The following CFAP299 variants were observed in gnomAD, a reference collection of about 807,000 sequenced individuals.
The protein encoded by CFAP299 is cilia and flagella associated protein 299.
Under a neutral mutation model 27.0 loss-of-function variants are expected in CFAP299, and 21 were observed. The ratio of observed to expected loss-of-function variants is 0.78; its 90% CI spans 0.55 to 1.12. CFAP299 has a LOEUF of 1.12. Among genes scored for constraint, CFAP299 ranks in the 50% most tolerant of loss-of-function variants. The pLI is 0.00. For missense variants in CFAP299, 310 were observed against 276.6 expected, an observed-to-expected ratio of 1.12 and a Z score of -0.86; for synonymous variants, 104 against 98.1, an observed-to-expected ratio of 1.06 and a Z score of -0.36.
chr4:80,393,963 G>A (rs557004588), intron 2 of CFAP299, among the ~76,000 whole-genome samples: 8 of 152,170 alleles, frequency 5.3e-5, no homozygotes, highest in South Asian at 4.2e-4. Context: ...TCATGGGGGC[G>A]GCTTCCCCCA....
At chr4:80,841,895 A>G (rs1164892771) in intron 3 of CFAP299, among the ~76,000 whole-genome samples, 1 of 152,134 alleles carries the variant, frequency 6.6e-6, no homozygotes, top group Non-Finnish European at 1.5e-5. Flanking sequence ...CTAGTATAAA[A>G]AAAAGGTCTT....
At chr4:80,346,731 G>C (rs1722749685) in intron 1 of CFAP299, among the ~76,000 whole-genome samples, 1 of 152,084 alleles carries the variant, frequency 6.6e-6, no homozygotes, top group East Asian at 1.9e-4. Context: ...TGTTCTTTTG[G>C]CTTAGGATTG....
intron 3 of CFAP299, among the ~76,000 whole-genome samples, chr4:80,641,325 C>G (rs769055206): frequency 1.3e-5 from 2 of 152,124 alleles, no homozygotes; most frequent in Non-Finnish European, 2.9e-5. Flanking sequence ...CTGACTCAGC[C>G]TCCCAAGTAG....
intron 3 of CFAP299, among the ~76,000 whole-genome samples, chr4:80,666,894 A>G (rs1741168180): frequency 6.6e-6 from 1 of 152,174 alleles, no homozygotes; most frequent in African/African-American, 2.4e-5. Flanking sequence ...ATAAGGATAA[A>G]GAATGATTAA....
chr4:80,520,018 C>G (rs763490520), intron 2 of CFAP299, among the ~76,000 whole-genome samples: 1 of 152,170 alleles, frequency 6.6e-6, no homozygotes, highest in Non-Finnish European at 1.5e-5. Flanking sequence ...GAGAGGCTTT[C>G]TACATCTTCC....
At chr4:80,685,702 TA>T (rs1432527396) in intron 3 of CFAP299, among the ~76,000 whole-genome samples, 2 of 130,130 alleles carry the variant, frequency 1.5e-5, no homozygotes, top group African/African-American at 6.3e-5. Context: ...GTGCTCTGGT[TA>T]GTTTAAACCA....
intron 3 of CFAP299, among the ~76,000 whole-genome samples, chr4:80,851,993 T>G (rs1731554041): frequency 6.6e-6 from 1 of 152,198 alleles, no homozygotes; most frequent in Non-Finnish European, 1.5e-5. Flanking sequence ...GATCTGGGCT[T>G]CTTTTGGCAA....
chr4:80,876,481 C>G, intron 4 of CFAP299, among the ~76,000 whole-genome samples: 1 of 152,178 alleles, frequency 6.6e-6, no homozygotes, highest in Non-Finnish European at 1.5e-5. Flanking sequence ...TTCCTGAGGC[C>G]TCCCCAGCCA....
intron 2 of CFAP299, among the ~76,000 whole-genome samples, chr4:80,537,790 A>T (rs567355379): frequency 5.9e-5 from 9 of 152,090 alleles, no homozygotes; most frequent in Non-Finnish European, 1.0e-4. Flanking sequence ...AATGTATTGT[A>T]GACATGGACG....
At chr4:80,652,741 T>A (rs1022925664) in intron 3 of CFAP299, among the ~76,000 whole-genome samples, 3 of 151,978 alleles carry the variant, frequency 2.0e-5, no homozygotes, top group African/African-American at 7.3e-5. Flanking sequence ...CTGCCTCTAG[T>A]GCTCCCTCAT....
chr4:80,700,177 C>T (rs959676622), intron 3 of CFAP299, among the ~76,000 whole-genome samples: 3 of 151,934 alleles, frequency 2.0e-5, no homozygotes, highest in African/African-American at 4.8e-5. Flanking sequence ...GTGTAGTTTC[C>T]GAAGGTAGAA....
At chr4:80,674,750 C>T (rs1719317221) in intron 3 of CFAP299, among the ~76,000 whole-genome samples, 1 of 151,728 alleles carries the variant, frequency 6.6e-6, no homozygotes, top group Non-Finnish European at 1.5e-5. Context: ...TAAACTTCTC[C>T]TCTTGCTTTA....
chr4:80,479,625 A>G (rs879583498), intron 2 of CFAP299, among the ~76,000 whole-genome samples: 1 of 152,012 alleles, frequency 6.6e-6, no homozygotes, highest in Admixed American at 6.6e-5. Context: ...CTGATAATGA[A>G]TTATTTGTAA....
chr4:80,721,997 C>T (rs1026301024), intron 3 of CFAP299, among the ~76,000 whole-genome samples: 1 of 152,090 alleles, frequency 6.6e-6, no homozygotes, highest in Non-Finnish European at 1.5e-5. Context: ...GAATCCAAAT[C>T]TAAATAAAGG....
At chr4:80,476,960 C>CGCGCGT (rs1553926298) in intron 2 of CFAP299, among the ~76,000 whole-genome samples, 51 of 106,680 alleles carry the variant, frequency 4.8e-4, no homozygotes, top group East Asian at 1.5e-3. Context: ...TGTGCGCATG[C>CGCGCGT]GTGTGTGTGT....
intron 1 of CFAP299, among the ~76,000 whole-genome samples, chr4:80,345,779 G>T (rs1360608191): frequency 1.3e-5 from 2 of 152,000 alleles, no homozygotes; most frequent in African/African-American, 4.8e-5. Context: ...TAATCCTTTG[G>T]GTATGTACCC....
chr4:80,850,878 T>C (rs1207957103), intron 3 of CFAP299, among the ~76,000 whole-genome samples: 1 of 152,158 alleles, frequency 6.6e-6, no homozygotes, highest in Non-Finnish European at 1.5e-5. Flanking sequence ...TGGTTTGAGA[T>C]ATTTCTTGAA....
intron 2 of CFAP299, among the ~76,000 whole-genome samples, chr4:80,460,981 A>G (rs1729409768): frequency 6.6e-6 from 1 of 152,210 alleles, no homozygotes; most frequent in Non-Finnish European, 1.5e-5. Flanking sequence ...GCATCAATTA[A>G]TGCATGTAAG....
At chr4:80,892,748 G>T (rs1281321938) in intron 4 of CFAP299, among the ~76,000 whole-genome samples, 2 of 152,062 alleles carry the variant, frequency 1.3e-5, no homozygotes, top group African/African-American at 4.8e-5. Flanking sequence ...ATAAAGGCAT[G>T]ATATGACAAG....
Sources: allele counts gnomAD v4.1 joint callset (sites outside exome capture counted in the v4.1 genomes callset), GRCh38; gene constraint gnomAD v4.1.1; transcripts MANE v1.5; gene names NCBI Gene and HGNC (gene_info 2026-07-23, HGNC 2026-07-21).